FNTB: variants seen among roughly 807,000 people sequenced by gnomAD.
FNTB encodes the protein farnesyltransferase, CAAX box, subunit beta, also known as protein farnesyltransferase subunit beta.
In FNTB, 27 loss-of-function variants were observed where a neutral mutation model predicts 59.4. The observed-to-expected ratio is 0.45, with a 90% confidence interval of 0.34 to 0.63. The LOEUF (loss-of-function observed/expected upper bound fraction) is 0.63, where lower values mean the gene tolerates loss of function less well. Among genes scored for constraint, FNTB ranks in the 20% least tolerant of loss-of-function variants. FNTB has a pLI of 0.02. For missense variants in FNTB, 449 were observed against 559.6 expected, an observed-to-expected ratio of 0.80 and a Z score of 1.99; for synonymous variants, 230 against 220.7, an observed-to-expected ratio of 1.04 and a Z score of -0.37.
intron 1 of FNTB, among the ~76,000 whole-genome samples, chr14:64,998,193 A>T (rs1438073054): frequency 6.6e-6 from 1 of 152,260 alleles, no homozygotes; most frequent in Non-Finnish European, 1.5e-5. Context: ...TTTGCGCATC[A>T]ACCTCTGAGC....
chr14:65,053,173 G>A, intron 9 of FNTB, 65 bp from the exon 10 acceptor site: 4 of 1,232,330 alleles, frequency 3.2e-6, no homozygotes, highest in Non-Finnish European at 4.2e-6. Flanking sequence ...GTGAGAAAGT[G>A]GAATTAGGTC....
chr14:65,003,247 A>C (rs895232719), intron 1 of FNTB: 5 of 152,188 alleles, frequency 3.3e-5, no homozygotes, highest in Admixed American at 2.6e-4. Flanking sequence ...TTGGTGTTTC[A>C]ACAATTGATG....
Position 65,054,478 on chromosome 14 carries a change from C to G in FNTB, c.1068-97C>G. ...TAGCCACATGGAGGATGGGGGGGGA[C>G]GTGTGATTGCACCAGTGGTCTCTGA... On this transcript the variant is annotated intron_variant, in intron 10 of 11. Coordinates refer to ENST00000246166, the MANE Select transcript of FNTB (RefSeq NM_002028.4). The surrounding 1 kb of genome is among the most constrained non-coding windows in gnomAD (Gnocchi z 4.4). 1 of 1,207,250 alleles carries G rather than the reference C, an allele frequency of 8.3e-7. No homozygotes were observed. The highest frequency in any genetic ancestry group is 1.2e-6 in the Non-Finnish European group (1 of 852,350). 74.8% of individuals were successfully genotyped at this position (1,207,250 alleles called of 1,614,324 possible).
Position 65,012,095 on chromosome 14 carries a change from G to A in FNTB, c.210-222G>A. 1.9e-6 allele frequency: 1 copy of A among 514,688 alleles called. No individual in the cohort carries two copies. Among genetic ancestry groups the A allele is most frequent in the East Asian group, 3.5e-5 (1 of 28,334 alleles). The allele number at this position is 514,688 out of a possible 1,614,324, so 31.9% of individuals were successfully genotyped here. The stretch of plus-strand genomic sequence containing the variant: ...GGAGACAATCGCACTCTAAATGTCA[G>A]CTGGCATGGTTTTCAGATGCTTTAG... On this transcript the variant is annotated intron_variant, in intron 2 of 11. Transcript: ENST00000246166. This position sits in a 1 kb window ranked among gnomAD's most constrained non-coding sequence, Gnocchi z 5.0.
At chr14:65,035,730 G>A (rs1301423241) in intron 7 of FNTB, among the ~76,000 whole-genome samples, 1 of 151,912 alleles carries the variant, frequency 6.6e-6, no homozygotes, top group Non-Finnish European at 1.5e-5. Flanking sequence ...GATGGGATCT[G>A]TCTGTGTTGT....
chr14:65,052,826 G>C (rs889529419), intron 9 of FNTB, among the ~76,000 whole-genome samples: 2 of 152,192 alleles, frequency 1.3e-5, no homozygotes, highest in Admixed American at 1.3e-4. Context: ...AATCAGTCTG[G>C]TTAACAAGTT....
At chr14:65,024,610 AAATT>A (rs753968038) in intron 4 of FNTB, among the ~76,000 whole-genome samples, 38 of 152,320 alleles carry the variant, frequency 2.5e-4, no homozygotes, top group Admixed American at 7.8e-4. Flanking sequence ...ACGTTAAAGA[AAATT>A]GATGTATTGC....
rs1324739162 is a variant in FNTB, at chr14:64,994,407, A to C, written c.144+7310A>C. Among the ~76,000 whole-genome samples, 1 of 152,136 alleles carries C rather than the reference A, an allele frequency of 6.6e-6. No homozygotes were observed. The highest frequency in any genetic ancestry group is 2.1e-4 in the South Asian group (1 of 4,826). On this transcript the variant is annotated intron_variant, in intron 1 of 11. Coordinates refer to ENST00000246166, the MANE Select transcript of FNTB (RefSeq NM_002028.4). The surrounding 1 kb of genome is among the most constrained non-coding windows in gnomAD (Gnocchi z 4.2). The stretch of plus-strand genomic sequence containing the variant: ...CAGTAGAAATACATTGTCAGTAGGA[A>C]ATTTCCTTGTCATGTGAACATCATA...
chr14:64,987,054 G>T lies in FNTB; in HGVS notation c.101G>T (p.Arg34Leu). The T allele has an allele frequency of 6.2e-7, 1 of 1,614,232 alleles. No individual in the cohort carries two copies. The highest frequency in any genetic ancestry group is 8.5e-7 in the Non-Finnish European group (1 of 1,180,048). Residue 34 changes from arginine to leucine, a missense_variant, in exon 1 of 12, where the codon CGG (arginine) becomes CTG (leucine). By Grantham distance (102) the Arg-to-Leu change is moderately radical (BLOSUM62 -2). Transcript: ENST00000246166. Reference protein sequence around the residue: ...YSLRPEHARERLQDDSVETVT... With the variant: ...YSLRPEHARELLQDDSVETVT... ...CTGAGGCCCGAGCACGCGCGAGAGC[G>T]GTTGCAGGACGACTCGGTGGAAACA...
chr14:65,023,822 C>T lies in FNTB; in HGVS notation c.375-3631C>T, dbSNP rs1029456095. 1.3e-5 allele frequency among the ~76,000 whole-genome samples: 2 copies of T among 152,172 alleles called. No homozygotes were observed. Among genetic ancestry groups the T allele is most frequent in the Non-Finnish European group, 2.9e-5 (2 of 68,034 alleles). On this transcript the variant is annotated intron_variant, in intron 4 of 11. Transcript: ENST00000246166. This position sits in a 1 kb window ranked among gnomAD's most constrained non-coding sequence, Gnocchi z 4.1. Reference sequence around the variant, plus strand: ...CTTATTAGAAATGAGGACTCTCAGCCGGGCATGGTGGCTCACGCCTGTAAT... The same window carrying T: ...CTTATTAGAAATGAGGACTCTCAGCTGGGCATGGTGGCTCACGCCTGTAAT...
In FNTB at chr14:65,027,770, G is replaced by A. The variant is rs551830626; in HGVS notation, c.594G>A (p.Glu198=). 276 of 1,614,058 alleles carry A rather than the reference G, an allele frequency of 1.7e-4. No individual in the cohort carries two copies. The highest frequency in any genetic ancestry group is 3.0e-4 in the Admixed American group (18 of 60,002). The change falls in exon 6 of 12, where the codon GAG becomes GAA. Residue 198 remains glutamate (E), a synonymous_variant. Transcript: ENST00000246166. This position sits in a 1 kb window ranked among gnomAD's most constrained non-coding sequence, Gnocchi z 5.7. ...DGSFLMHVGG[E]VDVRSAYCAA... is the part of the protein sequence containing the mutation. ...CCTTTCTCATGCATGTCGGAGGTGA[G>A]GTGGATGTGAGGTGAGTGGGGTTTT... is the stretch of plus-strand genomic sequence containing the variant.
rs970311646 is a variant in FNTB at position 65,038,441 on chromosome 14, C to T, written c.693-2349C>T. 4.6e-4 allele frequency among the ~76,000 whole-genome samples: 69 copies of T among 149,358 alleles called. 2 individuals are homozygous for T. The highest frequency in any genetic ancestry group is 1.6e-3 in the African/African-American group (63 of 40,578). ...AATAAATAAATAAAAATAATACTGC[C>T]GGGTGCAGTGGCTCATACCTGTAAT... On this transcript the variant is annotated intron_variant, in intron 7 of 11. Transcript: ENST00000246166.
Position 65,049,614 on chromosome 14 carries a change from T to TATA in FNTB, c.956-3623_956-3621dup, listed in dbSNP as rs1198708481. ...AATATAGGAAGTCACTGAAACAGTC[T>TATA]ATAGTTTTTTATATAATAAACATAG... On this transcript the variant is annotated intron_variant, in intron 9 of 11. Coordinates refer to ENST00000246166, the MANE Select transcript of FNTB (RefSeq NM_002028.4). 7.2e-5 allele frequency among the ~76,000 whole-genome samples: 11 copies of TATA among 152,320 alleles called. No homozygotes were observed. The East Asian group carries it at 2.1e-3, about 29-fold the overall frequency.
chr14:65,044,663 C>G lies in FNTB; in HGVS notation c.955+220C>G, dbSNP rs574024095. ...ATTCTTTGCTTCTTCAAATTGGCTGCGACAGAATGAGCTTCCTTGAAATTG... is the reference window on the plus strand; with the variant it reads ...ATTCTTTGCTTCTTCAAATTGGCTGGGACAGAATGAGCTTCCTTGAAATTG... On this transcript the variant is annotated intron_variant, in intron 9 of 11. Transcript: ENST00000246166. The surrounding 1 kb of genome is among the most constrained non-coding windows in gnomAD (Gnocchi z 5.5). 1.4e-6 allele frequency: 1 copy of G among 693,794 alleles called. No homozygotes were observed. Among genetic ancestry groups the G allele is most frequent in the African/African-American group, 1.9e-5 (1 of 52,838 alleles). The allele number at this position is 693,794 out of a possible 1,614,324, so 43.0% of individuals were successfully genotyped here.
chr14:64,998,967 G>A (rs1888503296), intron 1 of FNTB, among the ~76,000 whole-genome samples: 1 of 152,226 alleles, frequency 6.6e-6, no homozygotes, highest in African/African-American at 2.4e-5. Flanking sequence ...GATCTACACA[G>A]TGGAATATTA....
chr14:64,987,163 G>A (rs1200781040), intron 1 of FNTB, 66 bp downstream of exon 1: 13 of 1,583,066 alleles, frequency 8.2e-6, no homozygotes, highest in Non-Finnish European at 1.1e-5. Flanking sequence ...CCCGTTCGTA[G>A]GGCCGCCCGG....
In FNTB at chr14:65,012,414, T is replaced by C. The variant is rs1224268737; in HGVS notation, c.282+25T>C. 22 of 1,613,736 alleles carry C rather than the reference T, an allele frequency of 1.4e-5. No homozygotes were observed. The highest frequency in any genetic ancestry group is 1.9e-5 in the Non-Finnish European group (22 of 1,179,772). On this transcript the variant is annotated intron_variant, in intron 3 of 11. Coordinates refer to ENST00000246166, the MANE Select transcript of FNTB (RefSeq NM_002028.4). This position sits in a 1 kb window ranked among gnomAD's most constrained non-coding sequence, Gnocchi z 5.0. ...GGTAAACACATTACCCAGGAACTCT[T>C]GCTGTCAAATTATCCACCAAATCCT...
intron 11 of FNTB, among the ~76,000 whole-genome samples, chr14:65,055,921 A>G (rs1473774270): frequency 6.6e-6 from 1 of 152,104 alleles, no homozygotes; most frequent in Non-Finnish European, 1.5e-5. Flanking sequence ...CAGAAAAACC[A>G]CCACCCAGCT....
At chr14:65,058,290 TAC>T (rs2062787405) in intron 11 of FNTB, among the ~76,000 whole-genome samples, 1 of 152,110 alleles carries the variant, frequency 6.6e-6, no homozygotes, top group South Asian at 2.1e-4. Flanking sequence ...ATGTCTAATT[TAC>T]AGTTTTCATG....
Sources: allele counts gnomAD v4.1 joint callset (sites outside exome capture counted in the v4.1 genomes callset), GRCh38; gene constraint gnomAD v4.1.1; non-coding constraint Gnocchi (gnomAD v3.1); transcripts MANE v1.5; gene names NCBI Gene and HGNC (gene_info 2026-07-23, HGNC 2026-07-21).